The following STPG2 variants were observed in gnomAD, a reference collection of about 807,000 sequenced individuals.
The protein encoded by STPG2 is sperm-tail PG-rich repeat-containing protein 2.
In STPG2, 56 loss-of-function variants were observed where a neutral mutation model predicts 54.2. That is an observed-to-expected ratio of 1.03 (90% confidence interval 0.83 to 1.29). The LOEUF is 1.29. Ranked by LOEUF, STPG2 falls within the 50% of genes most tolerant of loss-of-function variation. STPG2 has a pLI of 0.00. For synonymous variants in STPG2, 200 were observed against 181.8 expected (o/e 1.10, Z -0.81); for missense variants, 596 against 544.9 (o/e 1.09, Z -0.93).
intron 5 of STPG2, among the ~76,000 whole-genome samples, chr4:98,026,422 A>G (rs1377892254): frequency 6.6e-6 from 1 of 152,126 alleles, no homozygotes; most frequent in Non-Finnish European, 1.5e-5. Flanking sequence ...CCCTGTACAA[A>G]TTTCTTTTGC....
At chr4:97,559,260 A>G (rs1210846206) in intron 10 of STPG2, 143 bp from the exon 11 acceptor site, 20 of 577,960 alleles carry the variant, frequency 3.5e-5, no homozygotes, top group Non-Finnish European at 5.8e-5. Context: ...ATCTACTTAC[A>G]TCGATAGAGC....
At chr4:97,901,296 C>T (rs1390163527) in intron 8 of STPG2, among the ~76,000 whole-genome samples, 1 of 151,870 alleles carries the variant, frequency 6.6e-6, no homozygotes, top group African/African-American at 2.4e-5. Context: ...AAGATGCCCA[C>T]TTTGCCACTT....
intron 4 of STPG2, among the ~76,000 whole-genome samples, chr4:97,451,343 A>G (rs533614826): frequency 3.3e-4 from 50 of 152,284 alleles, no homozygotes; most frequent in African/African-American, 1.2e-3. Context: ...GAGGTAAATT[A>G]AAGTGCATAT....
rs111919364 is a variant in STPG2 at position 98,099,510 on chromosome 4, T to C, written c.612+6443A>G. 5.2e-3 allele frequency among the ~76,000 whole-genome samples: 788 copies of C among 152,258 alleles called. 4 individuals are homozygous for C. Among genetic ancestry groups the C allele is most frequent in the Middle Eastern group, 0.021 (6 of 292 alleles). ...CTCACAAGGAGGTGGGGATGGTTAC[T>C]GGGTACGAAAAATAAATAGAAAGAA... On this transcript the variant is annotated intron_variant, in intron 5 of 10. Coordinates refer to ENST00000295268, the MANE Select transcript of STPG2 (RefSeq NM_174952.3).
chr4:97,500,890 T>C (rs1730710889), intron 4 of STPG2, among the ~76,000 whole-genome samples: 1 of 151,972 alleles, frequency 6.6e-6, no homozygotes, highest in African/African-American at 2.4e-5. Flanking sequence ...GGCAACTAAC[T>C]ATAGAAAATA....
chr4:97,967,640 G>A (rs1309074678), intron 7 of STPG2, among the ~76,000 whole-genome samples: 3 of 152,086 alleles, frequency 2.0e-5, no homozygotes, highest in Non-Finnish European at 4.4e-5. Flanking sequence ...CAAAAGAACA[G>A]AAATCACAAA....
At chr4:97,461,243 C>CTCTCTT (rs1397087320) in intron 4 of STPG2, among the ~76,000 whole-genome samples, 3 of 151,892 alleles carry the variant, frequency 2.0e-5, no homozygotes, top group Non-Finnish European at 2.9e-5. Flanking sequence ...ATTTGGTTGT[C>CTCTCTT]TCTCTTTCTC....
At chr4:97,974,429 T>C (rs1461045181) in intron 6 of STPG2, among the ~76,000 whole-genome samples, 1 of 152,184 alleles carries the variant, frequency 6.6e-6, no homozygotes, top group Non-Finnish European at 1.5e-5. Context: ...TGGGAAGGCA[T>C]GATTTGTTTA....
At chr4:97,880,840 A>G (rs939217825) in intron 8 of STPG2, among the ~76,000 whole-genome samples, 2 of 152,142 alleles carry the variant, frequency 1.3e-5, no homozygotes, top group Admixed American at 1.3e-4. Context: ...CTATACATCC[A>G]CCAAGACTTC....
intron 8 of STPG2, among the ~76,000 whole-genome samples, chr4:97,871,133 C>G (rs1039793732): frequency 2.7e-5 from 4 of 150,822 alleles, no homozygotes; most frequent in African/African-American, 9.7e-5. Flanking sequence ...AATGAAAACA[C>G]TACCTTATAA....
At chr4:97,481,788 GA>G (rs527514537) in intron 4 of STPG2, among the ~76,000 whole-genome samples, 1 of 151,044 alleles carries the variant, frequency 6.6e-6, no homozygotes, top group Admixed American at 6.6e-5. Context: ...TTTTGTCTGT[GA>G]AAAAAAGACA....
At chr4:98,136,733 A>G (rs1025540045) in intron 1 of STPG2, among the ~76,000 whole-genome samples, 1 of 151,754 alleles carries the variant, frequency 6.6e-6, no homozygotes, top group Non-Finnish European at 1.5e-5. Context: ...GAGAAATGGA[A>G]GCATACTTTG....
intron 8 of STPG2, among the ~76,000 whole-genome samples, chr4:97,889,786 A>G (rs1578658582): frequency 1.3e-5 from 2 of 152,230 alleles, no homozygotes; most frequent in Middle Eastern, 6.8e-3. Flanking sequence ...TATAGTTAAT[A>G]TATTATTCTT....
chr4:97,534,278 T>C (rs868797252), intron 4 of STPG2, among the ~76,000 whole-genome samples: 1 of 152,158 alleles, frequency 6.6e-6, no homozygotes, highest in East Asian at 1.9e-4. Context: ...TATTACATTC[T>C]GTGTTATTGA....
At chr4:97,655,447 G>T (rs1346368058) in intron 10 of STPG2, among the ~76,000 whole-genome samples, 2 of 151,834 alleles carry the variant, frequency 1.3e-5, no homozygotes, top group African/African-American at 4.8e-5. Context: ...ATCTTTTCAG[G>T]GATATGATAG....
chr4:97,505,955 T>C lies in STPG2; in HGVS notation c.462+206744A>G, dbSNP rs542253828. Among the ~76,000 whole-genome samples the C allele has an allele frequency of 2.0e-3, 284 of 145,272 alleles. 1 individual carries two copies. Among genetic ancestry groups the C allele is most frequent in the African/African-American group, 6.7e-3 (262 of 39,270 alleles). On this transcript the variant is annotated intron_variant, in intron 4 of 4. Transcript: ENST00000522676. ...ATATAAAATTGACTAGCTACTATTG[T>C]TACATAGTTTCAGCAGTCATGGTCT...
chr4:97,638,353 T>C (rs901299791), intron 10 of STPG2, among the ~76,000 whole-genome samples: 2 of 152,042 alleles, frequency 1.3e-5, no homozygotes, highest in Non-Finnish European at 2.9e-5. Flanking sequence ...TCAAGATGGA[T>C]TAAAGACTTA....
At chr4:97,563,616 C>G (rs1230926933) in intron 10 of STPG2, among the ~76,000 whole-genome samples, 1 of 152,138 alleles carries the variant, frequency 6.6e-6, no homozygotes, top group Non-Finnish European at 1.5e-5. Flanking sequence ...TTGAATGAGT[C>G]CCAGAGATTC....
intron 9 of STPG2, among the ~76,000 whole-genome samples, chr4:97,751,008 C>A (rs1259293054): frequency 6.6e-6 from 1 of 151,788 alleles, no homozygotes; most frequent in African/African-American, 2.4e-5. Flanking sequence ...AAGTGTCATG[C>A]AGAAAAGTGT....
Sources: allele counts gnomAD v4.1 joint callset (sites outside exome capture counted in the v4.1 genomes callset), GRCh38; gene constraint gnomAD v4.1.1; transcripts MANE v1.5; gene names NCBI Gene and HGNC (gene_info 2026-07-23, HGNC 2026-07-21).